The following CGGBP1 variants were observed in gnomAD, a reference collection of about 807,000 sequenced individuals.
CGGBP1 encodes CGG triplet repeat binding protein 1.
CGGBP1 carries 4 observed loss-of-function variants against 11.4 expected under a neutral mutation model. The ratio of observed to expected loss-of-function variants is 0.35; its 90% CI spans 0.17 to 0.80. CGGBP1 has a LOEUF of 0.80. CGGBP1 is among the 30% of genes least tolerant of loss of function. CGGBP1 has a pLI of 0.52. For missense variants in CGGBP1, 135 were observed against 202.1 expected (o/e 0.67, Z 2.01); for synonymous variants, 76 against 74.1 (o/e 1.03, Z -0.13).
chr3:88,105,458 C>A (rs982418807), intron 2 of CGGBP1, among the ~76,000 whole-genome samples: 3 of 152,156 alleles, frequency 2.0e-5, no homozygotes, highest in Admixed American at 6.5e-5. Context: ...TGTTTCCATT[C>A]TTTTCCTGTT....
Position 88,055,779 on chromosome 3 carries a change from A to C in CGGBP1, c.198T>G (p.Thr66=). 1 of 1,614,192 alleles carries C rather than the reference A, an allele frequency of 6.2e-7. No homozygotes were observed. The highest frequency in any genetic ancestry group is 8.5e-7 in the Non-Finnish European group (1 of 1,180,036). ...CAAATTCTGCCTTCCTCTTGGTATG[A>C]GTCTTTGACTTGAGGTGGTCACTAA... The part of the protein sequence containing the change: ...SAISDHLKSK[T]HTKRKAEFEE... Residue 66 remains threonine (T), a synonymous_variant, in exon 4 of 4, where the codon ACT becomes ACG. Transcript: ENST00000482016. The surrounding 1 kb of genome is among the most constrained non-coding windows in gnomAD (Gnocchi z 4.2).
intron 1 of CGGBP1, among the ~76,000 whole-genome samples, chr3:88,148,505 T>C (rs1707349522): frequency 6.6e-6 from 1 of 152,214 alleles, no homozygotes. Context: ...ATAGCAGGCA[T>C]TCATTAATAC....
intron 2 of CGGBP1, among the ~76,000 whole-genome samples, chr3:88,136,652 A>T (rs1026218605): frequency 3.9e-5 from 6 of 152,144 alleles, no homozygotes; most frequent in Admixed American, 3.9e-4. Flanking sequence ...GTAGCAGAGA[A>T]ATATGGGGAA....
At chr3:88,136,908 A>C (rs898606975) in intron 2 of CGGBP1, among the ~76,000 whole-genome samples, 2 of 152,074 alleles carry the variant, frequency 1.3e-5, no homozygotes, top group Non-Finnish European at 2.9e-5. Flanking sequence ...AAGATAGAGG[A>C]TGTAGGCTGG....
In CGGBP1 at chr3:88,118,331, GAGGCTCA is replaced by G. The variant is rs140484679; in HGVS notation, c.-229+22632_-229+22638del. ...GTATGGGATATCATGTCCCAAGCAG[GAGGCTCA>G]ACGCTATCTCACTGCGTAATATACC... On this transcript the variant is annotated intron_variant, in intron 2 of 3. Coordinates refer to the CGGBP1 transcript ENST00000462901. Among the ~76,000 whole-genome samples the G allele has an allele frequency of 4.9e-3, 753 of 152,176 alleles. 5 individuals carry two copies. Among genetic ancestry groups the G allele is most frequent in the African/African-American group, 0.017 (723 of 41,516 alleles).
chr3:88,052,032 A>T lies in CGGBP1; in HGVS notation c.*3441T>A, dbSNP rs1227465970. 6.6e-6 allele frequency: 1 copy of T among 152,630 alleles called. No homozygotes were observed. Among genetic ancestry groups the T allele is most frequent in the Admixed American group, 6.5e-5 (1 of 15,284 alleles). The allele number at this position is 152,630 out of a possible 1,614,324, so 9.5% of individuals were successfully genotyped here. A position where few individuals can be genotyped will look rare whatever the true frequency, so the allele number is the denominator to read the frequency against. On this transcript the variant is annotated 3_prime_UTR_variant, in exon 4 of 4. Transcript: ENST00000482016. ...AAATCTTTTGAAACAATTTTTCTGAAATTTATTTCTAAAAGTCAGAGACAA... is the reference window on the plus strand; with the variant it reads ...AAATCTTTTGAAACAATTTTTCTGATATTTATTTCTAAAAGTCAGAGACAA...
intron 2 of CGGBP1, among the ~76,000 whole-genome samples, chr3:88,066,015 T>G (rs867300420): frequency 2.0e-5 from 3 of 152,366 alleles, no homozygotes; most frequent in Middle Eastern, 3.4e-3. Flanking sequence ...ATTACAGGCA[T>G]GAGCTACCGC....
At chr3:88,058,661 G>A (rs1264143191) in intron 1 of CGGBP1, among the ~76,000 whole-genome samples, 154 bp downstream of exon 1, 4 of 152,178 alleles carry the variant, frequency 2.6e-5, no homozygotes, top group Admixed American at 2.6e-4. Context: ...TGGCGGAGGC[G>A]GCCGCTGTCA....
intron 2 of CGGBP1, among the ~76,000 whole-genome samples, chr3:88,075,668 G>T (rs1048644168): frequency 6.6e-6 from 1 of 152,162 alleles, no homozygotes; most frequent in African/African-American, 2.4e-5. Flanking sequence ...TTCAGCAATA[G>T]TAGGATATGT....
At chr3:88,069,428 A>G (rs1707383234) in intron 2 of CGGBP1, among the ~76,000 whole-genome samples, 1 of 152,172 alleles carries the variant, frequency 6.6e-6, no homozygotes, top group Admixed American at 6.5e-5. Flanking sequence ...TTTCAAAAAA[A>G]AAGAAAGTGA....
At chr3:88,139,420 G>C in intron 2 of CGGBP1, 1 of 1,613,840 alleles carries the variant, frequency 6.2e-7, no homozygotes, top group South Asian at 1.1e-5. Flanking sequence ...TTTAGAAACA[G>C]AGGACTTATG....
intron 2 of CGGBP1, among the ~76,000 whole-genome samples, chr3:88,131,342 A>C (rs1429578178): frequency 6.6e-6 from 1 of 152,134 alleles, no homozygotes; most frequent in Non-Finnish European, 1.5e-5. Context: ...AAGTATTATC[A>C]TTTTTTGACA....
intron 2 of CGGBP1, among the ~76,000 whole-genome samples, chr3:88,066,339 C>T (rs1037880580): frequency 6.6e-6 from 1 of 151,906 alleles, no homozygotes; most frequent in African/African-American, 2.4e-5. Context: ...TTTGGGAGTC[C>T]AAGGCAGGCA....
At position 88,055,396 on chromosome 3, in the gene CGGBP1, C is replaced by A; in HGVS notation, c.*77G>T. 2 of 1,311,378 alleles carry A rather than the reference C, an allele frequency of 1.5e-6. No individual in the cohort carries two copies. Among genetic ancestry groups the A allele is most frequent in the Non-Finnish European group, 2.1e-6 (2 of 971,188 alleles). The allele number at this position is 1,311,378 out of a possible 1,614,324, so 81.2% of individuals were successfully genotyped here. A position where few individuals can be genotyped will look rare whatever the true frequency, so the allele number is the denominator to read the frequency against. On this transcript the variant is annotated 3_prime_UTR_variant, in exon 4 of 4. Transcript: ENST00000482016. The surrounding 1 kb of genome is among the most constrained non-coding windows in gnomAD (Gnocchi z 4.2). ...CACATGATTTTAAATGAAATAAATACAAAAATGAACCACACAATCAACACA... is the reference window on the plus strand; with the variant it reads ...CACATGATTTTAAATGAAATAAATAAAAAAATGAACCACACAATCAACACA...
At chr3:88,140,532 T>C in intron 2 of CGGBP1, 4 of 1,613,758 alleles carry the variant, frequency 2.5e-6, no homozygotes, top group Non-Finnish European at 3.4e-6. Context: ...AAATATAAGC[T>C]TGATAGACCA....
At chr3:88,085,616 C>T (rs1708299038) in intron 2 of CGGBP1, among the ~76,000 whole-genome samples, 1 of 152,086 alleles carries the variant, frequency 6.6e-6, no homozygotes, top group South Asian at 2.1e-4. Flanking sequence ...TCATAAATTA[C>T]CCCAATTTGG....
At chr3:88,069,054 A>C (rs946049887) in intron 2 of CGGBP1, among the ~76,000 whole-genome samples, 40 of 152,230 alleles carry the variant, frequency 2.6e-4, no homozygotes, top group Admixed American at 6.5e-4. Context: ...TCAAGGCAGC[A>C]GAAACTAAAG....
chr3:88,066,810 G>A (rs1159394795), intron 2 of CGGBP1, among the ~76,000 whole-genome samples: 6 of 152,042 alleles, frequency 3.9e-5, no homozygotes, highest in African/African-American at 4.8e-5. Flanking sequence ...ACAAAAACAA[G>A]AACTTTACGA....
intron 2 of CGGBP1, among the ~76,000 whole-genome samples, chr3:88,131,120 G>T (rs1706432814): frequency 6.6e-6 from 1 of 152,162 alleles, no homozygotes. Context: ...GATGTAGCCT[G>T]TTGCTCCTAG....
Sources: gnomAD v4.1 joint callset for allele counts (sites outside exome capture counted in the v4.1 genomes callset) on GRCh38, gnomAD v4.1.1 for gene constraint, Gnocchi (gnomAD v3.1) non-coding constraint, MANE v1.5 for transcripts, NCBI Gene and HGNC (gene_info 2026-07-23, HGNC 2026-07-21) for gene names.